Variants in VWA8 observed in about 807,000 individuals in gnomAD.
The protein encoded by VWA8 is von Willebrand factor A domain containing 8.
VWA8 carries 221 observed loss-of-function variants against 241.5 expected under a neutral mutation model. The observed-to-expected ratio is 0.91, with a 90% CI of 0.82 to 1.02. The LOEUF is 1.02. VWA8 is among the 50% of genes least tolerant of loss of function. The probability of loss-of-function intolerance (pLI) is 0.00; values close to 1 mark genes in which losing one functional copy is unlikely to be tolerated. For synonymous variants in VWA8, 852 were observed against 827.1 expected (o/e 1.03, Z -0.52); for missense variants, 2,322 against 2,328.7 (o/e 1.00, Z 0.06).
At position 41,699,278 on chromosome 13, in the gene VWA8, G is replaced by T; in HGVS notation, c.3365-8C>A. 1 of 1,613,258 alleles carries T rather than the reference G, an allele frequency of 6.2e-7. No homozygotes were observed. Among genetic ancestry groups the T allele is most frequent in the South Asian group, 1.1e-5 (1 of 90,920 alleles). On this transcript the variant is annotated splice_polypyrimidine_tract_variant and splice_region_variant and intron_variant, in intron 28 of 44. Transcript: ENST00000379310. ...GAGTATTTTGCTCATTTTCTGAAATGACAAAAAGGTGTTAATTTTGTGGCT... is the reference window on the plus strand; with the variant it reads ...GAGTATTTTGCTCATTTTCTGAAATTACAAAAAGGTGTTAATTTTGTGGCT...
chr13:41,644,016 CTTA>C (rs1189211749), intron 37 of VWA8, among the ~76,000 whole-genome samples: 6 of 151,860 alleles, frequency 4.0e-5, no homozygotes, highest in African/African-American at 1.5e-4. Flanking sequence ...CTCCTTTTTT[CTTA>C]TTATAGGTAA....
intron 30 of VWA8, among the ~76,000 whole-genome samples, 188 bp from the exon 31 acceptor site, chr13:41,692,126 A>G (rs1400971003): frequency 6.6e-6 from 1 of 152,116 alleles, no homozygotes; most frequent in Non-Finnish European, 1.5e-5. Context: ...ATCAAAATTT[A>G]CTGTGAACTT....
At position 41,692,910 on chromosome 13, in the gene VWA8, G is replaced by A. The variant is rs374980920; in HGVS notation, c.3627C>T (p.Ser1209=). 35 of 1,611,414 alleles carry A rather than the reference G, an allele frequency of 2.2e-5. 1 individual carries two copies. The East Asian group carries it at 3.4e-4, about 15-fold the overall frequency. The change falls in exon 30 of 45, where the codon TCC becomes TCT. Residue 1209 remains serine, a synonymous_variant. Transcript: ENST00000379310. ...GRALHRLILP[S]EKFTSKKPFW... ...AAGGTTTCTTAGATGTAAACTTCTC[G>A]GAAGGGAGGATGAGACGATGAAGGG...
intron 21 of VWA8, among the ~76,000 whole-genome samples, chr13:41,752,921 A>AT (rs1190788171): frequency 6.6e-6 from 1 of 152,180 alleles, no homozygotes; most frequent in Non-Finnish European, 1.5e-5. Flanking sequence ...TTCTATCACA[A>AT]TGGTACAAAT....
chr13:41,879,771 C>A (rs528137686), intron 9 of VWA8, among the ~76,000 whole-genome samples: 2 of 152,054 alleles, frequency 1.3e-5, no homozygotes, highest in East Asian at 3.9e-4. Context: ...ATCCCAAAGA[C>A]CCTGGGTAGA....
intron 4 of VWA8, among the ~76,000 whole-genome samples, chr13:41,893,117 A>C (rs1874923721): frequency 1.3e-5 from 2 of 152,200 alleles, no homozygotes; most frequent in African/African-American, 4.8e-5. Flanking sequence ...TAAATGTTTG[A>C]TGAGGGGAAA....
chr13:41,815,878 T>C (rs769500688), intron 16 of VWA8, among the ~76,000 whole-genome samples: 9 of 152,138 alleles, frequency 5.9e-5, no homozygotes, highest in African/African-American at 2.2e-4. Flanking sequence ...TGACAATAGA[T>C]AAGAGAACAG....
intron 4 of VWA8, among the ~76,000 whole-genome samples, chr13:41,897,631 C>T (rs569321094): frequency 6.6e-6 from 1 of 152,038 alleles, no homozygotes; most frequent in African/African-American, 2.4e-5. Context: ...CAGACCCTCG[C>T]GGTGTGTGTT....
intron 1 of VWA8, among the ~76,000 whole-genome samples, chr13:41,957,840 T>G (rs2138174980): frequency 6.6e-6 from 1 of 152,296 alleles, no homozygotes; most frequent in South Asian, 2.1e-4. Context: ...TTAATAATAA[T>G]GGCGTTAAAG....
Position 41,961,034 on chromosome 13 carries a change from G to T in VWA8, c.-19C>A. On this transcript the variant is annotated 5_prime_UTR_variant, in exon 1 of 45. Coordinates refer to ENST00000379310, the MANE Select transcript of VWA8 (RefSeq NM_015058.2). ...ATTGCATGGCGCCGGGGGGGCTGTCGGGGACGGCGAGGGGGCTCGGGGATC... is the reference window on the plus strand; with the variant it reads ...ATTGCATGGCGCCGGGGGGGCTGTCTGGGACGGCGAGGGGGCTCGGGGATC... 1 of 1,359,060 alleles carries T rather than the reference G, an allele frequency of 7.4e-7. No individual in the cohort carries two copies. Among genetic ancestry groups the T allele is most frequent in the South Asian group, 1.8e-5 (1 of 57,064 alleles). 84.2% of individuals were successfully genotyped at this position (1,359,060 alleles called of 1,614,324 possible).
At chr13:41,632,938 C>T (rs1419119477) in intron 37 of VWA8, among the ~76,000 whole-genome samples, 4 of 152,114 alleles carry the variant, frequency 2.6e-5, no homozygotes, top group African/African-American at 7.2e-5. Context: ...ATCTGCACTG[C>T]ACACACACAA....
intron 2 of VWA8, among the ~76,000 whole-genome samples, chr13:41,944,507 C>G (rs992001787): frequency 1.3e-5 from 2 of 152,130 alleles, no homozygotes; most frequent in Non-Finnish European, 2.9e-5. Flanking sequence ...GTTTTAGTGT[C>G]TCACTATGTT....
intron 37 of VWA8, among the ~76,000 whole-genome samples, chr13:41,630,444 A>G (rs769775794): frequency 6.6e-5 from 10 of 151,794 alleles, no homozygotes; most frequent in Non-Finnish European, 1.5e-4. Flanking sequence ...TTCTGCTTGA[A>G]CACTCGTAGA....
intron 4 of VWA8, among the ~76,000 whole-genome samples, chr13:41,892,293 A>G (rs1046928897): frequency 6.6e-6 from 1 of 152,228 alleles, no homozygotes; most frequent in African/African-American, 2.4e-5. Flanking sequence ...TTAATAACAT[A>G]GAAAACTACT....
chr13:41,676,113 A>G (rs1050178105), intron 35 of VWA8, among the ~76,000 whole-genome samples: 28 of 152,070 alleles, frequency 1.8e-4, no homozygotes, highest in Admixed American at 9.8e-4. Flanking sequence ...ATACGGAGCT[A>G]TTACTTTGTT....
At chr13:41,731,026 T>C in intron 22 of VWA8, among the ~76,000 whole-genome samples, 1 of 148,374 alleles carries the variant, frequency 6.7e-6, no homozygotes. Context: ...AATAAAAACA[T>C]AAAAAAATAA....
chr13:41,721,952 C>CT (rs148001965), intron 24 of VWA8, among the ~76,000 whole-genome samples: 9,316 of 152,066 alleles, frequency 0.061, 355 homozygotes, highest in East Asian at 0.11. Context: ...TGTATTAGCA[C>CT]TTTTTTTAAA....
At chr13:41,905,788 T>C (rs973109897) in intron 4 of VWA8, among the ~76,000 whole-genome samples, 1 of 152,110 alleles carries the variant, frequency 6.6e-6, no homozygotes, top group African/African-American at 2.4e-5. Context: ...AGTAAACCTG[T>C]TGGAGTGCTC....
intron 42 of VWA8, among the ~76,000 whole-genome samples, chr13:41,586,171 A>G (rs2044416976): frequency 6.6e-6 from 1 of 152,172 alleles, no homozygotes; most frequent in South Asian, 2.1e-4. Flanking sequence ...ATAAAAAAAA[A>G]AAAATCAAGG....
Sources: allele counts gnomAD v4.1 joint callset (sites outside exome capture counted in the v4.1 genomes callset), GRCh38; gene constraint gnomAD v4.1.1; transcripts MANE v1.5; gene names NCBI Gene and HGNC (gene_info 2026-07-23, HGNC 2026-07-21).